Variants in IGFL4 observed in about 807,000 individuals in gnomAD.
The protein encoded by IGFL4 is insulin growth factor-like family member 4.
A neutral mutation model predicts 15.4 loss-of-function variants in IGFL4; 12 were observed. The observed-to-expected ratio is 0.78, with a 90% CI of 0.50 to 1.26. IGFL4 has a LOEUF of 1.26. IGFL4 is among the 50% of genes most tolerant of loss of function. The pLI is 0.00. For synonymous variants in IGFL4, 54 were observed against 55.9 expected (o/e 0.97, Z 0.16); for missense variants, 126 against 147.8 (o/e 0.85, Z 0.76).
chr19:46,059,243 C>T (rs1008158423), intron 2 of IGFL4: 4 of 152,270 alleles, frequency 2.6e-5, no homozygotes, highest in Non-Finnish European at 2.9e-5. Context: ...TTTACCCAGA[C>T]CCTATTCAAG....
rs755222502 is a variant in IGFL4 at position 46,040,314 on chromosome 19, T to G, written c.173A>C (p.Gln58Pro). The change falls in exon 3 of 4, where the codon CAG (glutamine) becomes CCG (proline). Residue 58 changes from glutamine to proline, a missense_variant. Gln to Pro is a moderately conservative substitution (Grantham distance 76). Transcript: ENST00000377697. This position sits in a 1 kb window ranked among gnomAD's most constrained non-coding sequence, Gnocchi z 4.1. ...GCAGCTGGAGCCGCAGAGCCGGGTCTGGTTCAAGTCTAGGATGACACCGTC... is the reference window on the plus strand; with the variant it reads ...GCAGCTGGAGCCGCAGAGCCGGGTCGGGTTCAAGTCTAGGATGACACCGTC... ...CDDGVILDLN[Q>P]TRLCGSSCTF... 6.2e-7 allele frequency: 1 copy of G among 1,614,178 alleles called. No homozygotes were observed. The highest frequency in any genetic ancestry group is 1.1e-5 in the South Asian group (1 of 91,082).
At chr19:46,073,818 G>A (rs1054468839) in intron 1 of IGFL4, among the ~76,000 whole-genome samples, 3 of 152,120 alleles carry the variant, frequency 2.0e-5, no homozygotes, top group African/African-American at 2.4e-5. Flanking sequence ...TCTGGACACT[G>A]GAAGTCTTTA....
At chr19:46,076,981 T>C (rs1969607319) in intron 1 of IGFL4, 1 of 152,196 alleles carries the variant, frequency 6.6e-6, no homozygotes, top group Non-Finnish European at 1.5e-5. Context: ...AAGGCCCCCT[T>C]TGGCTTCTTT....
intron 2 of IGFL4, chr19:46,058,379 G>A (rs1370113312): frequency 1.3e-5 from 2 of 152,244 alleles, no homozygotes; most frequent in Admixed American, 1.3e-4. Flanking sequence ...CCATGGTCTT[G>A]GGCAGCTCTG....
chr19:46,056,719 C>T (rs1017932178), intron 2 of IGFL4, among the ~76,000 whole-genome samples: 26 of 152,232 alleles, frequency 1.7e-4, no homozygotes, highest in Non-Finnish European at 2.5e-4. Flanking sequence ...GCTGCAAGCC[C>T]GTCCAGGCAA....
At chr19:46,057,715 C>G (rs1969405959) in intron 2 of IGFL4, 1 of 152,120 alleles carries the variant, frequency 6.6e-6, no homozygotes, top group Admixed American at 6.5e-5. Flanking sequence ...ACAGTTTCAC[C>G]TGGTTGAGGA....
chr19:46,044,813 T>A (rs1969282470), upstream of IGFL4, among the ~76,000 whole-genome samples: 1 of 152,042 alleles, frequency 6.6e-6, no homozygotes. Context: ...TGGTGACACC[T>A]TCAGGTACGG....
chr19:46,040,700 G>A lies in IGFL4; in HGVS notation c.20-132C>T, dbSNP rs115068349. On this transcript the variant is annotated intron_variant, in intron 1 of 3. Coordinates refer to ENST00000377697, the MANE Select transcript of IGFL4 (RefSeq NM_001002923.3). The surrounding 1 kb of genome is among the most constrained non-coding windows in gnomAD (Gnocchi z 4.1). ...GTGGATTTTGGGACTGGCTGTGGGTGCAGGTCCTGGGGACTGGGCTTGGCA... is the reference window on the plus strand; with the variant it reads ...GTGGATTTTGGGACTGGCTGTGGGTACAGGTCCTGGGGACTGGGCTTGGCA... 8.3e-4 allele frequency: 915 copies of A among 1,099,072 alleles called. 8 individuals are homozygous for A. The African/African-American group carries it at 0.012, about 15-fold the overall frequency. 68.1% of individuals were successfully genotyped at this position (1,099,072 alleles called of 1,614,324 possible).
intron 1 of IGFL4, among the ~76,000 whole-genome samples, chr19:46,063,326 C>T (rs527485844): frequency 4.0e-4 from 42 of 105,098 alleles, no homozygotes; most frequent in African/African-American, 1.8e-3. Flanking sequence ...ATTTAGAACA[C>T]ACACGCATGC....
chr19:46,061,778 C>T (rs1376754552), intron 1 of IGFL4, among the ~76,000 whole-genome samples: 7 of 152,136 alleles, frequency 4.6e-5, no homozygotes, highest in Non-Finnish European at 7.4e-5. Flanking sequence ...GGGGAAAGGG[C>T]ATTTCCATAC....
chr19:46,054,057 T>G (rs1179959082), intron 2 of IGFL4, among the ~76,000 whole-genome samples: 1 of 152,198 alleles, frequency 6.6e-6, no homozygotes, highest in African/African-American at 2.4e-5. Context: ...TATTCTTCCA[T>G]TCTATAAGTC....
upstream of IGFL4, among the ~76,000 whole-genome samples, chr19:46,044,472 G>A (rs532506072): frequency 3.8e-4 from 58 of 152,258 alleles, 1 homozygote; most frequent in South Asian, 5.2e-3. Context: ...GCAACAGGCC[G>A]GAGTCTGCCT....
chr19:46,069,799 C>T (rs145000214), intron 1 of IGFL4, among the ~76,000 whole-genome samples: 5 of 152,240 alleles, frequency 3.3e-5, no homozygotes, highest in African/African-American at 7.2e-5. Context: ...TAGTCAACAG[C>T]AATAGATGTG....
chr19:46,046,490 T>A (rs552462347), intron 2 of IGFL4, among the ~76,000 whole-genome samples: 2 of 152,256 alleles, frequency 1.3e-5, no homozygotes, highest in African/African-American at 4.8e-5. Flanking sequence ...CAAGACCCAT[T>A]GATATACTGT....
chr19:46,057,064 C>G (rs917254369), intron 2 of IGFL4, among the ~76,000 whole-genome samples: 10 of 151,122 alleles, frequency 6.6e-5, no homozygotes, highest in Non-Finnish European at 3.0e-5. Context: ...TACAAATGAC[C>G]AAAAGTACAT....
At chr19:46,045,443 C>CAA (rs34422465), upstream of IGFL4, among the ~76,000 whole-genome samples, 19,588 of 100,254 alleles carry the variant, frequency 0.2, 1,749 homozygotes, top group Middle Eastern at 0.25. Context: ...AACTCTGTCT[C>CAA]AAAAAAAAAA....
intron 2 of IGFL4, chr19:46,058,956 T>C (rs1215124621): frequency 1.3e-5 from 2 of 152,196 alleles, no homozygotes; most frequent in Non-Finnish European, 2.9e-5. Flanking sequence ...CTATATAGGG[T>C]AATTTTCTGA....
At chr19:46,041,117 G>T, upstream of IGFL4, 1 of 650,528 alleles carries the variant, frequency 1.5e-6, no homozygotes, top group Non-Finnish European at 2.6e-6. Context: ...AGAGCTGCAG[G>T]GAACATAAAT....
intron 1 of IGFL4, chr19:46,076,982 T>A (rs1969607382): frequency 6.6e-6 from 1 of 152,236 alleles, no homozygotes; most frequent in South Asian, 2.1e-4. Context: ...AGGCCCCCTT[T>A]GGCTTCTTTA....
Sources: gnomAD v4.1 joint callset for allele counts (sites outside exome capture counted in the v4.1 genomes callset) on GRCh38, gnomAD v4.1.1 for gene constraint, Gnocchi (gnomAD v3.1) non-coding constraint, MANE v1.5 for transcripts, NCBI Gene and HGNC (gene_info 2026-07-23, HGNC 2026-07-21) for gene names.